Variants in CCSER1 observed in about 807,000 individuals in gnomAD.
CCSER1 encodes coiled-coil serine rich protein 1.
A neutral mutation model predicts 82.0 loss-of-function variants in CCSER1; 41 were observed. The ratio of observed to expected loss-of-function variants is 0.50; its 90% CI spans 0.39 to 0.65. CCSER1 has a LOEUF of 0.65. Among genes scored for constraint, CCSER1 ranks in the 30% least tolerant of loss-of-function variants. The pLI, the probability that CCSER1 is intolerant of heterozygous loss-of-function variation, is 0.00. For missense variants in CCSER1, 1,119 were observed against 1,064.2 expected (o/e 1.05, Z -0.72); for synonymous variants, 414 against 383.9 (o/e 1.08, Z -0.92).
chr4:90,853,682 A>G (rs1335732948), intron 8 of CCSER1, among the ~76,000 whole-genome samples: 1 of 152,148 alleles, frequency 6.6e-6, no homozygotes. Context: ...GGTTTAAACA[A>G]AAAGACTTTG....
intron 8 of CCSER1, among the ~76,000 whole-genome samples, chr4:90,912,030 C>T (rs1278366735): frequency 1.3e-5 from 2 of 152,212 alleles, no homozygotes. Context: ...GCCTGCCTGC[C>T]TCTGTAGACT....
chr4:91,161,592 G>A (rs1480729956), intron 10 of CCSER1, among the ~76,000 whole-genome samples: 1 of 152,078 alleles, frequency 6.6e-6, no homozygotes, highest in East Asian at 1.9e-4. Flanking sequence ...GCAGTAGTTT[G>A]TAGTTCTCTT....
At chr4:90,131,552 C>T (rs1722831973) in intron 1 of CCSER1, among the ~76,000 whole-genome samples, 1 of 152,000 alleles carries the variant, frequency 6.6e-6, no homozygotes, top group Non-Finnish European at 1.5e-5. Context: ...ATTGAATACT[C>T]AACATTTTAT....
intron 8 of CCSER1, among the ~76,000 whole-genome samples, chr4:90,896,480 TATTC>T (rs1476753976): frequency 6.6e-6 from 1 of 152,006 alleles, no homozygotes; most frequent in Non-Finnish European, 1.5e-5. Context: ...ATTTTGGTAA[TATTC>T]TGAAAATAAT....
chr4:90,911,397 T>C (rs1164076095), intron 8 of CCSER1: 1 of 443,466 alleles, frequency 2.3e-6, no homozygotes, highest in African/African-American at 2.0e-5. Context: ...TAATGTTGCA[T>C]TTTCATTCCT....
chr4:90,412,460 TATA>T (rs777701140), intron 4 of CCSER1, among the ~76,000 whole-genome samples: 8 of 143,680 alleles, frequency 5.6e-5, no homozygotes, highest in African/African-American at 1.5e-4. Flanking sequence ...AAACTTAAAG[TATA>T]ATAATAATAA....
chr4:90,785,157 C>T (rs1754303692), intron 7 of CCSER1, among the ~76,000 whole-genome samples: 1 of 152,150 alleles, frequency 6.6e-6, no homozygotes, highest in Non-Finnish European at 1.5e-5. Flanking sequence ...CCACCTCAGC[C>T]TCCCAAGTAT....
intron 9 of CCSER1, among the ~76,000 whole-genome samples, chr4:90,929,430 T>A (rs2054334): frequency 0.42 from 63,609 of 152,006 alleles, 13,774 homozygotes; most frequent in African/African-American, 0.53. Context: ...TAAACTCAAA[T>A]CAGCATAGAC....
intron 10 of CCSER1, among the ~76,000 whole-genome samples, chr4:91,103,677 C>T (rs182782615): frequency 4.6e-5 from 7 of 152,170 alleles, no homozygotes; most frequent in Admixed American, 1.3e-4. Context: ...CTGTTATCTT[C>T]GTAAGCTGAG....
intron 10 of CCSER1, among the ~76,000 whole-genome samples, chr4:91,380,041 G>A (rs530717588): frequency 1.8e-3 from 281 of 152,172 alleles, no homozygotes; most frequent in African/African-American, 5.5e-3. Context: ...TTCAGTTTCC[G>A]TGTAGTTGAG....
In CCSER1 at chr4:90,915,704, A is replaced by G. The variant is rs867668591; in HGVS notation, c.2095-7666A>G. On this transcript the variant is annotated intron_variant, in intron 8 of 10. Transcript: ENST00000509176. ...AGAAAGAAATAAAGGGTATTCAATT[A>G]GGAAAGGAGGAAGTCATCTTGCCCT... Among the ~76,000 whole-genome samples the G allele has an allele frequency of 3.3e-5, 4 of 122,200 alleles. No individual in the cohort carries two copies. The South Asian group carries it at 8.9e-4, about 27-fold the overall frequency. The allele number at this position is 122,200 out of a possible 152,430, so 80.2% of individuals were successfully genotyped here.
intron 10 of CCSER1, among the ~76,000 whole-genome samples, chr4:91,565,919 A>G (rs1424884762): frequency 1.3e-5 from 2 of 152,038 alleles, no homozygotes; most frequent in East Asian, 3.9e-4. Context: ...AGGACTTCCA[A>G]TACTATGTTG....
chr4:91,384,375 C>T (rs367752868), intron 10 of CCSER1, among the ~76,000 whole-genome samples: 7 of 150,408 alleles, frequency 4.7e-5, no homozygotes, highest in East Asian at 2.0e-4. Context: ...GATAAATGAG[C>T]GTTTCCGTTA....
At chr4:90,959,876 TAC>T (rs1236975735) in intron 9 of CCSER1, among the ~76,000 whole-genome samples, 1 of 152,120 alleles carries the variant, frequency 6.6e-6, no homozygotes, top group African/African-American at 2.4e-5. Flanking sequence ...TGTCATTTAA[TAC>T]ACATGCTTTG....
At chr4:90,685,518 C>T (rs912236796) in intron 6 of CCSER1, among the ~76,000 whole-genome samples, 1 of 152,078 alleles carries the variant, frequency 6.6e-6, no homozygotes, top group Non-Finnish European at 1.5e-5. Flanking sequence ...ATTCTTTCCA[C>T]CCATAGGCAT....
intron 10 of CCSER1, among the ~76,000 whole-genome samples, chr4:91,347,018 T>C (rs1364134096): frequency 1.3e-5 from 2 of 152,124 alleles, no homozygotes; most frequent in Non-Finnish European, 2.9e-5. Context: ...TTTTGTTTGT[T>C]TGTTTTATGC....
At chr4:91,246,142 TAAC>T (rs1464757575) in intron 10 of CCSER1, among the ~76,000 whole-genome samples, 1 of 152,078 alleles carries the variant, frequency 6.6e-6, no homozygotes, top group Non-Finnish European at 1.5e-5. Flanking sequence ...AAATCAAAAA[TAAC>T]CACAACAACA....
intron 9 of CCSER1, among the ~76,000 whole-genome samples, chr4:90,936,141 GA>G (rs1284938602): frequency 7.2e-6 from 1 of 138,506 alleles, no homozygotes; most frequent in African/African-American, 2.7e-5. Flanking sequence ...AAATAACTTG[GA>G]AAATTTTGTG....
rs753294774 is a variant in CCSER1 at position 90,649,075 on chromosome 4, T to C, written c.1932+20843T>C. 1.3e-5 allele frequency among the ~76,000 whole-genome samples: 2 copies of C among 152,200 alleles called. 1 individual carries two copies. Among genetic ancestry groups the C allele is most frequent in the African/African-American group, 4.8e-5 (2 of 41,462 alleles). On this transcript the variant is annotated intron_variant, in intron 6 of 10. Coordinates refer to ENST00000509176, the MANE Select transcript of CCSER1 (RefSeq NM_001145065.2). ...TCCTTGAATGGTTTCACTATTAAAA[T>C]GGCCAAGAGGTTAAGTGAATTTTAA...
Sources: gnomAD v4.1 joint callset for allele counts (sites outside exome capture counted in the v4.1 genomes callset) on GRCh38, gnomAD v4.1.1 for gene constraint, MANE v1.5 for transcripts, NCBI Gene and HGNC (gene_info 2026-07-23, HGNC 2026-07-21) for gene names.